FAM81B: variants seen among roughly 807,000 people sequenced by gnomAD.
FAM81B encodes protein FAM81B.
A neutral mutation model predicts 58.7 loss-of-function variants in FAM81B; 60 were observed. That is an observed-to-expected ratio of 1.02 (90% CI 0.83 to 1.27). The LOEUF is 1.27. Ranked by LOEUF, FAM81B falls within the 50% of genes most tolerant of loss-of-function variation. The pLI, the probability that FAM81B is intolerant of heterozygous loss-of-function variation, is 0.00. For synonymous variants in FAM81B, 189 were observed against 179.6 expected, an observed-to-expected ratio of 1.05 and a Z score of -0.42; for missense variants, 491 against 522.0, an observed-to-expected ratio of 0.94 and a Z score of 0.58.
intron 6 of FAM81B, 62 bp from the exon 7 acceptor site, chr5:95,436,738 T>C: frequency 1.9e-6 from 2 of 1,049,868 alleles, no homozygotes; most frequent in South Asian, 2.6e-5. Flanking sequence ...AGGAATAAAG[T>C]ATATTAATGT....
chr5:95,443,226 T>C (rs1183835653), intron 7 of FAM81B, among the ~76,000 whole-genome samples: 1 of 152,156 alleles, frequency 6.6e-6, no homozygotes, highest in Non-Finnish European at 1.5e-5. Flanking sequence ...TGCAGCTCTC[T>C]GCCTTGTGCC....
At chr5:95,444,332 G>A (rs1047572434) in intron 7 of FAM81B, among the ~76,000 whole-genome samples, 3 of 152,156 alleles carry the variant, frequency 2.0e-5, no homozygotes, top group Admixed American at 6.5e-5. Flanking sequence ...ATTAGTGTGC[G>A]TCAGATGGTG....
chr5:95,401,095 T>C (rs571498691), intron 3 of FAM81B, among the ~76,000 whole-genome samples: 1 of 152,158 alleles, frequency 6.6e-6, no homozygotes, highest in Non-Finnish European at 1.5e-5. Flanking sequence ...GGGACTCTGT[T>C]TGGAACCTTT....
intron 5 of FAM81B, chr5:95,424,165 C>A: frequency 7.8e-7 from 1 of 1,289,762 alleles, no homozygotes; most frequent in Non-Finnish European, 1.0e-6. Flanking sequence ...TACCAGCCAC[C>A]AAACACACTC....
Position 95,433,961 on chromosome 5 carries a change from C to G in FAM81B, c.787-2839C>G, listed in dbSNP as rs548638295. 2.8e-3 allele frequency among the ~76,000 whole-genome samples: 430 copies of G among 152,272 alleles called. 1 individual carries two copies. The highest frequency in any genetic ancestry group is 0.012 in the South Asian group (58 of 4,828). On this transcript the variant is annotated intron_variant, in intron 6 of 9. Coordinates refer to ENST00000283357, the MANE Select transcript of FAM81B (RefSeq NM_152548.3). ...TCCTCACTTCACATGTAGAGTAGAACAAACTTTGCCTATTACCTTTTCGAA... is the reference window on the plus strand; with the variant it reads ...TCCTCACTTCACATGTAGAGTAGAAGAAACTTTGCCTATTACCTTTTCGAA...
At position 95,424,155 on chromosome 5, in the gene FAM81B, T is replaced by C. The variant is rs141808170; in HGVS notation, c.656+3753T>C. 793 of 1,289,810 alleles carry C rather than the reference T, an allele frequency of 6.1e-4. 6 individuals carry two copies. The African/African-American group carries it at 0.011, about 18-fold the overall frequency. 79.9% of individuals were successfully genotyped at this position (1,289,810 alleles called of 1,614,324 possible). On this transcript the variant is annotated intron_variant, in intron 5 of 9. Coordinates refer to ENST00000283357, the MANE Select transcript of FAM81B (RefSeq NM_152548.3). ...GCAAGCCTGAATAGAGGATGCTATC[T>C]ACCAGCCACCAAACACACTCACTGA...
At position 95,392,874 on chromosome 5, in the gene FAM81B, T is replaced by C; in HGVS notation, c.205T>C (p.Ser69Pro). ...TGAACCTGATGGCCCCCTTCCTGGC[T>C]CAGACAATAACCAAGAAAAGAAAGC... ...PVEPDGPLPG[S>P]DNNQEKKVRL... The change falls in exon 2 of 10, where the codon TCA (serine) becomes CCA (proline). Residue 69 changes from serine to proline, a missense_variant. Ser to Pro is a moderately conservative substitution (Grantham distance 74). Coordinates refer to ENST00000283357, the MANE Select transcript of FAM81B (RefSeq NM_152548.3). 6.2e-7 allele frequency: 1 copy of C among 1,610,896 alleles called. No individual in the cohort carries two copies. Among genetic ancestry groups the C allele is most frequent in the Non-Finnish European group, 8.5e-7 (1 of 1,178,770 alleles).
At chr5:95,403,387 A>G (rs896470591) in intron 3 of FAM81B, among the ~76,000 whole-genome samples, 2 of 152,268 alleles carry the variant, frequency 1.3e-5, no homozygotes, top group East Asian at 3.8e-4. Flanking sequence ...TATGGACTAG[A>G]GTAAATATTG....
In FAM81B at chr5:95,409,538, C is replaced by A. The variant is rs1762354326; in HGVS notation, c.294-4409C>A. ...TGTCTATAAGGTTTACATTATATTT[C>A]TTTTGAGCAGTTTTATAAAGATGAA... On this transcript the variant is annotated intron_variant, in intron 3 of 9. Transcript: ENST00000283357. 2.7e-5 allele frequency among the ~76,000 whole-genome samples: 4 copies of A among 150,012 alleles called. No individual in the cohort carries two copies. In the South Asian group the frequency reaches 8.4e-4, roughly 31 times the overall value.
At chr5:95,428,168 T>TG (rs1342700865) in intron 5 of FAM81B, among the ~76,000 whole-genome samples, 2 of 152,180 alleles carry the variant, frequency 1.3e-5, no homozygotes, top group Non-Finnish European at 2.9e-5. Context: ...ATTGATAGTC[T>TG]GGGGGCCAAG....
intron 2 of FAM81B, among the ~76,000 whole-genome samples, chr5:95,394,433 C>G (rs1761909528): frequency 6.6e-6 from 1 of 152,048 alleles, no homozygotes; most frequent in Non-Finnish European, 1.5e-5. Flanking sequence ...AAATAGATCC[C>G]CACACAGACC....
At chr5:95,442,948 A>C (rs1197784146) in intron 7 of FAM81B, among the ~76,000 whole-genome samples, 1 of 152,228 alleles carries the variant, frequency 6.6e-6, no homozygotes, top group African/African-American at 2.4e-5. Context: ...TCTGTTTATC[A>C]GCAAATGAAA....
intron 1 of FAM81B, among the ~76,000 whole-genome samples, chr5:95,392,394 C>G (rs1331892796): frequency 6.6e-6 from 1 of 152,062 alleles, no homozygotes; most frequent in Non-Finnish European, 1.5e-5. Context: ...GGAGAAATAC[C>G]TAATGTAGAT....
chr5:95,444,436 T>C (rs773342231), intron 7 of FAM81B, among the ~76,000 whole-genome samples: 53 of 152,208 alleles, frequency 3.5e-4, no homozygotes, highest in Non-Finnish European at 5.7e-4. Context: ...TGTATAAATG[T>C]AAATCTGAAT....
At chr5:95,420,487 A>G in intron 5 of FAM81B, 85 bp downstream of exon 5, 1 of 1,568,002 alleles carries the variant, frequency 6.4e-7, no homozygotes, top group South Asian at 1.1e-5. Flanking sequence ...ATGCTGTGGA[A>G]AAAAGATATT....
At chr5:95,428,308 A>G (rs1291580299) in intron 5 of FAM81B, among the ~76,000 whole-genome samples, 1 of 152,182 alleles carries the variant, frequency 6.6e-6, no homozygotes, top group Non-Finnish European at 1.5e-5. Flanking sequence ...TCCTATGACT[A>G]AGTTAATATC....
chr5:95,444,163 C>T lies in FAM81B; in HGVS notation c.894-2399C>T, dbSNP rs116261361. On this transcript the variant is annotated intron_variant, in intron 7 of 9. Transcript: ENST00000283357. Reference sequence around the variant, plus strand: ...TATGATTTGTTATTTGTCAGCAATGCTAATAAAAGATACTTAATGAGAAAG... The same window carrying T: ...TATGATTTGTTATTTGTCAGCAATGTTAATAAAAGATACTTAATGAGAAAG... 5.5e-3 allele frequency among the ~76,000 whole-genome samples: 839 copies of T among 152,186 alleles called. 10 individuals are homozygous for T. The highest frequency in any genetic ancestry group is 0.019 in the African/African-American group (783 of 41,510).
intron 8 of FAM81B, among the ~76,000 whole-genome samples, chr5:95,447,095 T>A (rs1745603150): frequency 6.6e-6 from 1 of 152,288 alleles, no homozygotes; most frequent in South Asian, 2.1e-4. Context: ...CTTAGTAGAT[T>A]AAAAGTTTTC....
At chr5:95,420,437 G>C in intron 5 of FAM81B, 35 bp downstream of exon 5, 1 of 1,610,194 alleles carries the variant, frequency 6.2e-7, no homozygotes, top group South Asian at 1.1e-5. Flanking sequence ...GTTTAACAGT[G>C]AATTCTTGGC....
Sources: gnomAD v4.1 joint callset for allele counts (sites outside exome capture counted in the v4.1 genomes callset) on GRCh38, gnomAD v4.1.1 for gene constraint, MANE v1.5 for transcripts, NCBI Gene and HGNC (gene_info 2026-07-23, HGNC 2026-07-21) for gene names.